Variants in KCNAB1 observed in about 807,000 individuals in gnomAD.
The protein encoded by KCNAB1 is potassium voltage-gated channel subfamily A regulatory beta subunit 1.
In KCNAB1, 35 loss-of-function variants were observed where a neutral mutation model predicts 64.6. That is an observed-to-expected ratio of 0.54 (90% CI 0.41 to 0.72). The LOEUF (loss-of-function observed/expected upper bound fraction) is 0.72, where lower values mean the gene tolerates loss of function less well. Ranked by LOEUF, KCNAB1 falls within the 30% of genes least tolerant of loss-of-function variation. The pLI is 0.00. For missense variants in KCNAB1, 401 were observed against 512.9 expected, an observed-to-expected ratio of 0.78 and a Z score of 2.11; for synonymous variants, 177 against 183.8, an observed-to-expected ratio of 0.96 and a Z score of 0.30.
chr3:156,494,589 T>A (rs564044745), intron 8 of KCNAB1, among the ~76,000 whole-genome samples: 1 of 152,274 alleles, frequency 6.6e-6, no homozygotes, highest in Non-Finnish European at 1.5e-5. Context: ...ATTCCTATGT[T>A]GAAAGAGATT....
intron 1 of KCNAB1, among the ~76,000 whole-genome samples, chr3:156,123,772 T>C (rs1332838216): frequency 2.6e-5 from 4 of 152,202 alleles, no homozygotes; most frequent in Non-Finnish European, 5.9e-5. Flanking sequence ...AGGCAAAAGA[T>C]TGGCTTTTCT....
chr3:156,364,995 T>C (rs1725858305), intron 1 of KCNAB1, among the ~76,000 whole-genome samples: 1 of 152,166 alleles, frequency 6.6e-6, no homozygotes, highest in Non-Finnish European at 1.5e-5. Flanking sequence ...AACCCGTTAC[T>C]AGTGAAGATG....
rs77395092 is a variant in KCNAB1, at chr3:156,349,542, A to C, written c.276-72074A>C. 6.9e-3 allele frequency among the ~76,000 whole-genome samples: 1,053 copies of C among 152,120 alleles called. 10 individuals are homozygous for C. Among genetic ancestry groups the C allele is most frequent in the African/African-American group, 0.024 (1,008 of 41,508 alleles). On this transcript the variant is annotated intron_variant, in intron 1 of 13. Coordinates refer to ENST00000490337, the MANE Select transcript of KCNAB1 (RefSeq NM_172160.3). ...ACCTTACCATTTCTACCAATTCTCC[A>C]GCTTCTTGTCTTCTTGCCTTTCTCC...
intron 1 of KCNAB1, among the ~76,000 whole-genome samples, chr3:156,372,691 A>G (rs773853391): frequency 1.3e-5 from 2 of 152,208 alleles, no homozygotes; most frequent in African/African-American, 2.4e-5. Flanking sequence ...CAGGTAGAGG[A>G]AGATGCTTCA....
At chr3:156,236,261 G>A (rs529132270) in intron 1 of KCNAB1, among the ~76,000 whole-genome samples, 67 of 152,242 alleles carry the variant, frequency 4.4e-4, no homozygotes, top group Admixed American at 4.6e-4. Flanking sequence ...GCTGACTGCC[G>A]TTCAGCTCCT....
At chr3:156,170,413 G>A (rs1711891160) in intron 1 of KCNAB1, among the ~76,000 whole-genome samples, 1 of 152,138 alleles carries the variant, frequency 6.6e-6, no homozygotes, top group South Asian at 2.1e-4. Flanking sequence ...ATCCAATACA[G>A]CTTGGAGGTA....
At chr3:156,239,826 C>G (rs1336192492) in intron 1 of KCNAB1, among the ~76,000 whole-genome samples, 1 of 152,162 alleles carries the variant, frequency 6.6e-6, no homozygotes, top group African/African-American at 2.4e-5. Context: ...TTTCATGTCT[C>G]CTGTACCCCA....
intron 1 of KCNAB1, chr3:156,290,973 A>C (rs1335672282): frequency 1.0e-6 from 1 of 985,364 alleles, no homozygotes; most frequent in Non-Finnish European, 1.2e-6. Context: ...CCAGTCACAG[A>C]GTATTCACGT....
intron 8 of KCNAB1, among the ~76,000 whole-genome samples, chr3:156,503,915 C>A (rs1716634409): frequency 6.6e-6 from 1 of 152,194 alleles, no homozygotes; most frequent in Non-Finnish European, 1.5e-5. Context: ...TGGAAACATT[C>A]AAAATACTCT....
At chr3:156,259,229 C>G (rs959012277) in intron 1 of KCNAB1, among the ~76,000 whole-genome samples, 8 of 152,188 alleles carry the variant, frequency 5.3e-5, no homozygotes, top group African/African-American at 1.9e-4. Flanking sequence ...CTCTGGGCAC[C>G]TTGTTCTCTG....
At chr3:156,127,887 GTGT>G (rs1560098935) in intron 1 of KCNAB1, among the ~76,000 whole-genome samples, 21 of 111,834 alleles carry the variant, frequency 1.9e-4, no homozygotes, top group Non-Finnish European at 5.9e-5. Flanking sequence ...CATTTGGGGT[GTGT>G]GTGTGTGTGT....
At chr3:156,416,574 A>T (rs1559874030) in intron 1 of KCNAB1, among the ~76,000 whole-genome samples, 1 of 152,206 alleles carries the variant, frequency 6.6e-6, no homozygotes, top group African/African-American at 2.4e-5. Flanking sequence ...TTTTGTATTT[A>T]GGGCCTACTA....
intron 1 of KCNAB1, among the ~76,000 whole-genome samples, chr3:156,147,243 A>T (rs1715091593): frequency 6.6e-6 from 1 of 152,188 alleles, no homozygotes; most frequent in Non-Finnish European, 1.5e-5. Flanking sequence ...GAGACAAGCC[A>T]GTTGCTCCAT....
intron 1 of KCNAB1, among the ~76,000 whole-genome samples, chr3:156,165,715 A>G (rs558026447): frequency 6.6e-6 from 1 of 152,254 alleles, no homozygotes; most frequent in South Asian, 2.1e-4. Flanking sequence ...GTGTTTTTAT[A>G]TGTATTTATC....
intron 1 of KCNAB1, among the ~76,000 whole-genome samples, chr3:156,152,747 G>A (rs373965648): frequency 9.2e-5 from 14 of 152,092 alleles, no homozygotes; most frequent in African/African-American, 2.4e-4. Flanking sequence ...GGAATTTTAC[G>A]GCACTCTATA....
At chr3:156,159,343 A>G (rs1016253906) in intron 1 of KCNAB1, among the ~76,000 whole-genome samples, 2 of 152,222 alleles carry the variant, frequency 1.3e-5, no homozygotes, top group East Asian at 3.8e-4. Context: ...GCTTAGTCAC[A>G]TGACTAAAAT....
chr3:156,431,832 A>G (rs893473691), intron 2 of KCNAB1, among the ~76,000 whole-genome samples: 1 of 152,230 alleles, frequency 6.6e-6, no homozygotes, highest in East Asian at 1.9e-4. Context: ...TGTGAGCTGC[A>G]GGTTTGTTCT....
intron 1 of KCNAB1, among the ~76,000 whole-genome samples, chr3:156,373,048 A>T (rs1726421445): frequency 6.6e-6 from 1 of 152,262 alleles, no homozygotes; most frequent in African/African-American, 2.4e-5. Context: ...TGTGTAAATT[A>T]TAAACGGCAT....
intron 1 of KCNAB1, among the ~76,000 whole-genome samples, chr3:156,138,745 T>G (rs1714522092): frequency 6.6e-6 from 1 of 152,186 alleles, no homozygotes; most frequent in South Asian, 2.1e-4. Context: ...AGAAGAATCT[T>G]AGAGATTACC....
Sources: allele counts gnomAD v4.1 joint callset (sites outside exome capture counted in the v4.1 genomes callset), GRCh38; gene constraint gnomAD v4.1.1; transcripts MANE v1.5; gene names NCBI Gene and HGNC (gene_info 2026-07-23, HGNC 2026-07-21).